Variants in SPIN3 observed in about 807,000 individuals in gnomAD.
The protein encoded by SPIN3 is spindlin-3.
For missense variants in SPIN3, 176 were observed against 196.4 expected, an observed-to-expected ratio of 0.90 and a Z score of 0.62; for synonymous variants, 74 against 74.3, an observed-to-expected ratio of 1.00 and a Z score of 0.02.
Position 56,994,936 on chromosome X carries a change from C to T in SPIN3, c.12G>A (p.Pro4=), listed in dbSNP as rs753148068. The change falls in exon 2 of 2, where the codon CCG becomes CCA. Residue 4 remains proline, a synonymous_variant. Transcript: ENST00000374919. The stretch of plus-strand genomic sequence containing the variant: ...GCTGCCCTGCAGCTGCCTTTCCAAA[C>T]GGGGTCTTCATGCCTGCGAAGAGGA... MKT[P]FGKAAAGQRS... 10 of 1,192,637 alleles carry T rather than the reference C, an allele frequency of 8.4e-6. No individual in the cohort carries two copies. The highest frequency in any genetic ancestry group is 1.9e-5 in the South Asian group (1 of 53,932).
downstream of SPIN3, among the ~76,000 whole-genome samples, chrX:56,987,520 C>T (rs1054408391): frequency 8.1e-5 from 9 of 111,378 alleles, no homozygotes; most frequent in African/African-American, 2.0e-4. Flanking sequence ...AAATTATACA[C>T]GTTATTTAGG....
chrX:56,994,598 G>C lies in SPIN3; in HGVS notation c.350C>G (p.Ser117Cys). The stretch of plus-strand genomic sequence containing the variant: ...TGCCAAGTGTGTATCACTGATTCTA[G>C]ATGATGCAACTCTATTAGGAAGGAC... ...LEVLPNRVAS[S>C]RISDTHLAEI... The change falls in exon 2 of 2, where the codon TCT becomes TGT. Residue 117 changes from serine to cysteine, a missense_variant. Coordinates refer to ENST00000374919, the MANE Select transcript of SPIN3 (RefSeq NM_001010862.3). 1 of 1,211,478 alleles carries C rather than the reference G, an allele frequency of 8.3e-7. No individual in the cohort carries two copies. The highest frequency in any genetic ancestry group is 1.1e-6 in the Non-Finnish European group (1 of 895,439).
At chrX:56,976,528 A>G (rs1265192964) in exon 6 of SPIN3, 1 of 112,004 alleles carries the variant, frequency 8.9e-6, no homozygotes, top group Admixed American at 9.5e-5. Context: ...TGAAACAGAA[A>G]TCATTCTAAA....
chrX:56,986,328 G>A (rs1602740093), downstream of SPIN3, among the ~76,000 whole-genome samples: 1 of 111,741 alleles, frequency 8.9e-6, no homozygotes, highest in East Asian at 2.8e-4. Context: ...AATCACAGCT[G>A]TGAATCACCT....
intron 3 of SPIN3, chrX:56,979,347 T>C (rs1427804370): frequency 9.0e-6 from 1 of 111,116 alleles, no homozygotes; most frequent in East Asian, 2.8e-4. Flanking sequence ...GAACCAATCA[T>C]TGAGATTCTC....
In SPIN3 at chrX:56,991,714, A is replaced by G. The variant is rs887972147; in HGVS notation, c.*2457T>C. The stretch of plus-strand genomic sequence containing the variant: ...AGTATCTTAGAAAAGTTCTGCTCCC[A>G]TCAATGTAAGATTGGTGAGCAGTTG... On this transcript the variant is annotated 3_prime_UTR_variant, in exon 2 of 2. Transcript: ENST00000374919. The G allele has an allele frequency of 8.6e-6, 1 of 116,526 alleles. No individual in the cohort carries two copies. Among genetic ancestry groups the G allele is most frequent in the African/African-American group, 3.2e-5 (1 of 31,174 alleles). 9.6% of individuals were successfully genotyped at this position (116,526 alleles called of 1,213,427 possible).
rs1924351615 is a variant in SPIN3, at chrX:56,991,996, A to AC, written c.*2174dup. The AC allele has an allele frequency of 6.8e-6, 2 of 295,387 alleles. No homozygotes were observed. Among genetic ancestry groups the AC allele is most frequent in the Admixed American group, 1.2e-4 (2 of 16,411 alleles). The allele number at this position is 295,387 out of a possible 1,213,427, so 24.3% of individuals were successfully genotyped here. ...GTTTGAACTATATGACCTCACCCCC[A>AC]CCCCATCAACTATTAAACTCCAAGG... On this transcript the variant is annotated 3_prime_UTR_variant, in exon 2 of 2. Coordinates refer to ENST00000374919, the MANE Select transcript of SPIN3 (RefSeq NM_001010862.3).
At chrX:56,977,903 G>A (rs771882241) in intron 5 of SPIN3, 3 of 112,363 alleles carry the variant, frequency 2.7e-5, no homozygotes, top group African/African-American at 9.7e-5. Context: ...GCCCTCACCA[G>A]ATGTGGCCCC....
At chrX:56,985,118 T>C (rs1185263365) in intron 2 of SPIN3, among the ~76,000 whole-genome samples, 1 of 112,105 alleles carries the variant, frequency 8.9e-6, no homozygotes, top group Non-Finnish European at 1.9e-5. Flanking sequence ...ACCATCTCCA[T>C]TGTTACCTCT....
rs1334006733 is a variant in SPIN3 at position 56,994,743 on chromosome X, T to C, written c.205A>G (p.Lys69Glu). ...KDGDEPLTQW[K>E]GTVLDQVPVN... ...GGTACCTGATCCAGAACGGTTCCTT[T>C]CCACTGTGTTAGAGGTTCATCTCCA... The change falls in exon 2 of 2, where the codon AAA becomes GAA. Residue 69 changes from lysine to glutamate, a missense_variant. Transcript: ENST00000374919. 1 of 1,210,219 alleles carries C rather than the reference T, an allele frequency of 8.3e-7. No individual in the cohort carries two copies.
At chrX:56,982,086 C>T (rs1031589256) in intron 3 of SPIN3, 1 of 111,564 alleles carries the variant, frequency 9.0e-6, no homozygotes, top group Non-Finnish European at 1.9e-5. Context: ...CACTTGACTC[C>T]ATCGTTACTT....
chrX:56,986,334 C>T (rs980703315), downstream of SPIN3, among the ~76,000 whole-genome samples: 10 of 111,755 alleles, frequency 8.9e-5, no homozygotes, highest in South Asian at 3.8e-4. Flanking sequence ...AGCTGTGAAT[C>T]ACCTGGACTT....
chrX:56,992,797 C>T lies in SPIN3; in HGVS notation c.*1374G>A. On this transcript the variant is annotated 3_prime_UTR_variant, in exon 2 of 2. Transcript: ENST00000374919. ...TTTTCTTTCCTAGGCTTTGGTTAAC[C>T]TCCGCCAATGGCTCTTTAATAATGG... The T allele has an allele frequency of 3.8e-6, 1 of 260,459 alleles. No individual in the cohort carries two copies. The allele number at this position is 260,459 out of a possible 1,213,427, so 21.5% of individuals were successfully genotyped here.
At chrX:56,977,119 T>A (rs1369484998) in exon 6 of SPIN3, 1 of 111,514 alleles carries the variant, frequency 9.0e-6, no homozygotes, top group Non-Finnish European at 1.9e-5. Context: ...TGGGACCAGG[T>A]CAAAGGAGGA....
intron 3 of SPIN3, chrX:56,978,709 T>C (rs1213266138): frequency 1.8e-5 from 2 of 111,361 alleles, no homozygotes; most frequent in Admixed American, 9.6e-5. Context: ...AGCAGGAACA[T>C]GCTACCGTCA....
chrX:56,995,507 C>G lies in SPIN3; in HGVS notation c.-294G>C, dbSNP rs1344938687. ...GGTGGCCGCAGCCCCTCTCCCACAT[C>G]GGACTCCCACTAGTCGCTGCTGCGC... is the stretch of plus-strand genomic sequence containing the variant. On this transcript the variant is annotated 5_prime_UTR_variant, in exon 1 of 2. Transcript: ENST00000374919. The G allele has an allele frequency of 8.8e-6, 1 of 113,108 alleles. No homozygotes were observed. The highest frequency in any genetic ancestry group is 9.4e-5 in the Admixed American group (1 of 10,686). 9.3% of individuals were successfully genotyped at this position (113,108 alleles called of 1,213,427 possible).
chrX:56,994,173 A>C lies in SPIN3; in HGVS notation c.775T>G (p.Ter259GluextTer4), dbSNP rs1002546102. 8.4e-7 allele frequency: 1 copy of C among 1,196,185 alleles called. No individual in the cohort carries two copies. Among genetic ancestry groups the C allele is most frequent in the Non-Finnish European group, 1.1e-6 (1 of 887,807 alleles). ...TTTGGCAAATTTCAAGATGACCTCT[A>C]AGATGTTTTTACCAAATCGTAGACA... ...IYVYDLVKTS* is the reference protein window; with the variant it reads ...IYVYDLVKTSE The change falls in exon 2 of 2, where the codon TAG becomes GAG. Residue 259 changes from the stop codon to glutamate, a stop_lost. Transcript: ENST00000374919.
intron 3 of SPIN3, chrX:56,980,557 T>C: frequency 9.8e-6 from 1 of 101,701 alleles, no homozygotes; most frequent in East Asian, 3.1e-4. Context: ...AAATAAGAAC[T>C]AAAAATGTAT....
chrX:56,981,438 T>A (rs917753005), intron 3 of SPIN3: 3 of 111,463 alleles, frequency 2.7e-5, no homozygotes, highest in African/African-American at 9.8e-5. Context: ...TGTTTGTTTG[T>A]TTCATTTTGT....
Sources: allele counts gnomAD v4.1 joint callset (sites outside exome capture counted in the v4.1 genomes callset), GRCh38; gene constraint gnomAD v4.1.1; transcripts MANE v1.5; gene names NCBI Gene and HGNC (gene_info 2026-07-23, HGNC 2026-07-21).